Variants in TP53BP1 observed in about 807,000 individuals in gnomAD.
The protein encoded by TP53BP1 is tumor protein p53 binding protein 1.
Under a neutral mutation model 200.8 loss-of-function variants are expected in TP53BP1, and 61 were observed. The ratio of observed to expected loss-of-function variants is 0.30; its 90% CI spans 0.25 to 0.38. The LOEUF is 0.38. Ranked by LOEUF, TP53BP1 falls within the 10% of genes least tolerant of loss-of-function variation. The pLI, the probability that TP53BP1 is intolerant of heterozygous loss-of-function variation, is 1.00. For missense variants in TP53BP1, 2,144 were observed against 2,371.9 expected (o/e 0.90, Z 2.00); for synonymous variants, 822 against 844.3 (o/e 0.97, Z 0.46).
In TP53BP1 at chr15:43,490,642, C is replaced by T. The variant is rs188465897; in HGVS notation, c.371+1027G>A. Reference sequence around the variant, plus strand: ...AACTCCTGAAGTTCTCTACATTCTCCTTGGACCTTAGAAATATTGGGGCGG... The same window carrying T: ...AACTCCTGAAGTTCTCTACATTCTCTTTGGACCTTAGAAATATTGGGGCGG... On this transcript the variant is annotated intron_variant, in intron 4 of 27. Transcript: ENST00000382044. 8.9e-4 allele frequency among the ~76,000 whole-genome samples: 136 copies of T among 152,316 alleles called. 2 individuals carry two copies. The East Asian group carries it at 0.016, about 18-fold the overall frequency.
chr15:43,474,694 T>C lies in TP53BP1; in HGVS notation c.1159A>G (p.Thr387Ala). ...TCACCTTGTCTCCCTTCTTGCTCTG[T>C]GGGACTGCTAGGAACGATAAAAGGA... ...STPFIVPSSP[T>A]EQEGRQDKPM... is the part of the protein sequence containing the mutation. The change falls in exon 10 of 28, where the codon ACA becomes GCA. Residue 387 changes from threonine to alanine, a missense_variant. By Grantham distance (58) the Thr-to-Ala change is moderately conservative (BLOSUM62 0). Around this residue, in one of 4 missense-constraint regions of TP53BP1, gnomAD observed 1,700 missense variants for 1,710.3 expected, o/e 0.99. Coordinates refer to ENST00000382044, the MANE Select transcript of TP53BP1 (RefSeq NM_001141980.3). The C allele has an allele frequency of 6.2e-7, 1 of 1,612,712 alleles. No homozygotes were observed.
At chr15:43,471,945 T>C (rs1449002648) in intron 10 of TP53BP1, among the ~76,000 whole-genome samples, 3 of 152,208 alleles carry the variant, frequency 2.0e-5, no homozygotes, top group Non-Finnish European at 4.4e-5. Context: ...TACCTACAAC[T>C]GATTTTAAGA....
rs752796920 is a variant in TP53BP1 at position 43,474,627 on chromosome 15, GCTCC to G, written c.1180+42_1180+45del. 5.9e-6 allele frequency: 8 copies of G among 1,354,330 alleles called. No individual in the cohort carries two copies. In the African/African-American group the frequency reaches 1.2e-4, roughly 20 times the overall value. 83.9% of individuals were successfully genotyped at this position (1,354,330 alleles called of 1,614,324 possible). A position where few individuals can be genotyped will look rare whatever the true frequency, so the allele number is the denominator to read the frequency against. On this transcript the variant is annotated intron_variant, in intron 10 of 27. Coordinates refer to ENST00000382044, the MANE Select transcript of TP53BP1 (RefSeq NM_001141980.3). The stretch of plus-strand genomic sequence containing the variant: ...CATTTTGCAAGGCAGAAAAAGTGTT[GCTCC>G]TCTTCTAATCTGAGATCAACAGACA...
Position 43,464,754 on chromosome 15 carries a change from C to A in TP53BP1, c.1389+5104G>T, listed in dbSNP as rs982254431. The stretch of plus-strand genomic sequence containing the variant: ...CCCCGTCTCTACTAAAAAAAAAATA[C>A]AAAATTTGCCAGGCATGGTGGTGCA... On this transcript the variant is annotated intron_variant, in intron 11 of 27. Coordinates refer to ENST00000382044, the MANE Select transcript of TP53BP1 (RefSeq NM_001141980.3). Among the ~76,000 whole-genome samples, 4 of 151,310 alleles carry A rather than the reference C, an allele frequency of 2.6e-5. No individual in the cohort carries two copies. In the South Asian group the frequency reaches 6.3e-4, roughly 24 times the overall value.
intron 15 of TP53BP1, among the ~76,000 whole-genome samples, chr15:43,440,862 C>T (rs2045911068): frequency 6.6e-6 from 1 of 152,120 alleles, no homozygotes; most frequent in African/African-American, 2.4e-5. Context: ...GCACTCCAGC[C>T]TGGGCAACAG....
chr15:43,403,828 G>T lies in TP53BP1; in HGVS notation c.*3555C>A. ...CGTCTGCCTGGAAGTATGCAGCCTTGCCGAAAGGACAGAGGTGGTTTTGCC... is the reference window on the plus strand; with the variant it reads ...CGTCTGCCTGGAAGTATGCAGCCTTTCCGAAAGGACAGAGGTGGTTTTGCC... On this transcript the variant is annotated 3_prime_UTR_variant, in exon 28 of 28. Transcript: ENST00000382044. 1 of 1,555,298 alleles carries T rather than the reference G, an allele frequency of 6.4e-7. No homozygotes were observed. Among genetic ancestry groups the T allele is most frequent in the Non-Finnish European group, 8.9e-7 (1 of 1,126,800 alleles).
chr15:43,475,657 T>C lies in TP53BP1; in HGVS notation c.993A>G (p.Glu331=). The C allele has an allele frequency of 6.2e-7, 1 of 1,614,006 alleles. No individual in the cohort carries two copies. The highest frequency in any genetic ancestry group is 1.7e-5 in the Admixed American group (1 of 60,010). Residue 331 remains glutamate (E), a synonymous_variant, in exon 9 of 28, where the codon GAA becomes GAG. Transcript: ENST00000382044. ...SDGCSTPSRE[E]GGCSLASTPA... ...GAGTGGAAGCCAAAGAACACCCACCTTCCTCCCTTGAAGGAGTAGAGCAAC... is the reference window on the plus strand; with the variant it reads ...GAGTGGAAGCCAAAGAACACCCACCCTCCTCCCTTGAAGGAGTAGAGCAAC...
chr15:43,493,688 C>T (rs1032483818), upstream of TP53BP1, among the ~76,000 whole-genome samples: 8 of 152,192 alleles, frequency 5.3e-5, no homozygotes, highest in African/African-American at 1.9e-4. Flanking sequence ...CCTGACATTA[C>T]ATCTCTGCCA....
intron 17 of TP53BP1, 107 bp from the exon 18 acceptor site, chr15:43,428,275 T>C (rs1280952766): frequency 1.0e-6 from 1 of 959,958 alleles, no homozygotes; most frequent in African/African-American, 1.6e-5. Flanking sequence ...ATGAATCTAG[T>C]GTGACAGAAT....
Position 43,456,818 on chromosome 15 carries a change from T to A in TP53BP1, c.1790A>T (p.Asp597Val), listed in dbSNP as rs1394158079. 1 of 1,613,854 alleles carries A rather than the reference T, an allele frequency of 6.2e-7. No individual in the cohort carries two copies. The highest frequency in any genetic ancestry group is 8.5e-7 in the Non-Finnish European group (1 of 1,180,046). Reference protein sequence around the residue: ...NDDKTKGDDTDTRDDISILAT... With the variant: ...NDDKTKGDDTVTRDDISILAT... ...TAAAATACTAATGTCATCCCTGGTG[T>A]CTGTATCATCTCCCTTTGTTTTGTC... The change falls in exon 12 of 28, where the codon GAC (aspartate) becomes GTC (valine). Residue 597 changes from aspartate to valine, a missense_variant. This residue lies in a region of TP53BP1 where 1,700 missense variants were observed against 1,710.3 expected (regional missense o/e 0.99). Coordinates refer to ENST00000382044, the MANE Select transcript of TP53BP1 (RefSeq NM_001141980.3).
intron 27 of TP53BP1, 153 bp downstream of exon 27, chr15:43,407,790 T>G: frequency 3.6e-6 from 3 of 841,074 alleles, no homozygotes; most frequent in Non-Finnish European, 5.6e-6. Flanking sequence ...GCTTCACTTA[T>G]GTTGACTCAC....
In TP53BP1 at chr15:43,477,296, T is replaced by C. The variant is rs567384677; in HGVS notation, c.955+297A>G. ...GCCTGGGTGACAGAGTGAGACTCCA[T>C]CTCAAAAAAAAAAAAAAGAAAAAAA... On this transcript the variant is annotated intron_variant, in intron 8 of 27. Coordinates refer to ENST00000382044, the MANE Select transcript of TP53BP1 (RefSeq NM_001141980.3). Among the ~76,000 whole-genome samples, 1,021 of 124,394 alleles carry C rather than the reference T, an allele frequency of 8.2e-3. 7 individuals carry two copies. Among genetic ancestry groups the C allele is most frequent in the South Asian group, 0.016 (66 of 4,134 alleles). 81.6% of individuals were successfully genotyped at this position (124,394 alleles called of 152,430 possible). A position where few individuals can be genotyped will look rare whatever the true frequency, so the allele number is the denominator to read the frequency against.
chr15:43,431,736 T>G (rs2045674982), intron 17 of TP53BP1, among the ~76,000 whole-genome samples: 1 of 152,242 alleles, frequency 6.6e-6, no homozygotes, highest in Non-Finnish European at 1.5e-5. Context: ...CCATTCTTTC[T>G]GTTTCATATA....
chr15:43,408,285 C>T (rs1028030204), intron 26 of TP53BP1, 197 bp from the exon 27 acceptor site: 2 of 552,748 alleles, frequency 3.6e-6, no homozygotes, highest in African/African-American at 3.8e-5. Flanking sequence ...CGAGACCAGC[C>T]TGGGCAATGT....
At chr15:43,454,174 C>CAGG (rs1200369818) in intron 12 of TP53BP1, among the ~76,000 whole-genome samples, 2 of 151,814 alleles carry the variant, frequency 1.3e-5, no homozygotes, top group Non-Finnish European at 2.9e-5. Flanking sequence ...CACTGCACTC[C>CAGG]AGCCCAGCAA....
At chr15:43,487,520 C>T (rs2079062512) in intron 4 of TP53BP1, among the ~76,000 whole-genome samples, 1 of 152,106 alleles carries the variant, frequency 6.6e-6, no homozygotes, top group East Asian at 1.9e-4. Context: ...TGGCCGGGCA[C>T]AGTGACTCAC....
intron 11 of TP53BP1, among the ~76,000 whole-genome samples, chr15:43,466,877 C>T (rs972065266): frequency 1.3e-5 from 2 of 152,066 alleles, no homozygotes; most frequent in South Asian, 4.1e-4. Flanking sequence ...AAAATATAAT[C>T]ATGCTATGTA....
intron 12 of TP53BP1, among the ~76,000 whole-genome samples, chr15:43,451,192 T>A (rs542005571): frequency 2.8e-4 from 42 of 152,228 alleles, no homozygotes; most frequent in Middle Eastern, 3.4e-3. Context: ...TTTTTTTTTT[T>A]AATTATTATA....
Position 43,480,964 on chromosome 15 carries a change from A to T in TP53BP1, c.430T>A (p.Leu144Met). The T allele has an allele frequency of 6.2e-7, 1 of 1,613,872 alleles. No individual in the cohort carries two copies. Among genetic ancestry groups the T allele is most frequent in the East Asian group, 2.2e-5 (1 of 44,856 alleles). Residue 144 changes from leucine (L) to methionine (M), a missense_variant, in exon 5 of 28, where the codon TTG (leucine) becomes ATG (methionine). Around this residue, in one of 4 missense-constraint regions of TP53BP1, gnomAD observed 1,700 missense variants for 1,710.3 expected, o/e 0.99. Coordinates refer to ENST00000382044, the MANE Select transcript of TP53BP1 (RefSeq NM_001141980.3). ...TCCTTCTCTTTCTCCTTCTGTTCCA[A>T]CTCTTCTCCCTTCTCTTCCTCCACA... ...PAVEEEKGEELEQKEKEKEED... is the reference protein window; with the variant it reads ...PAVEEEKGEEMEQKEKEKEED...
Sources: allele counts gnomAD v4.1 joint callset (sites outside exome capture counted in the v4.1 genomes callset), GRCh38; gene constraint gnomAD v4.1.1; regional missense constraint gnomAD v4.1.1; transcripts MANE v1.5; gene names NCBI Gene and HGNC (gene_info 2026-07-23, HGNC 2026-07-21).